The following ITPK1 variants were observed in gnomAD, a reference collection of about 807,000 sequenced individuals.
ITPK1 encodes the protein inositol-tetrakisphosphate 1-kinase.
A neutral mutation model predicts 45.3 loss-of-function variants in ITPK1; 21 were observed. That is an observed-to-expected ratio of 0.46 (90% CI 0.33 to 0.67). The LOEUF (loss-of-function observed/expected upper bound fraction) is 0.67. ITPK1 is among the 30% of genes least tolerant of loss of function. The pLI, the probability that ITPK1 is intolerant of heterozygous loss-of-function variation, is 0.02. For missense variants in ITPK1, 474 were observed against 573.5 expected (o/e 0.83, Z 1.77); for synonymous variants, 258 against 253.6 (o/e 1.02, Z -0.16).
chr14:93,052,656 C>T (rs904331934), intron 3 of ITPK1, among the ~76,000 whole-genome samples: 1 of 152,168 alleles, frequency 6.6e-6, no homozygotes, highest in African/African-American at 2.4e-5. Flanking sequence ...CCAAGCCTCA[C>T]CGGCCTTCTG....
chr14:93,086,316 A>T (rs1303452455), intron 2 of ITPK1, among the ~76,000 whole-genome samples: 4 of 152,136 alleles, frequency 2.6e-5, no homozygotes, highest in Non-Finnish European at 5.9e-5. Flanking sequence ...TCCAGAGGAG[A>T]CCGAAAGACT....
intron 3 of ITPK1, among the ~76,000 whole-genome samples, chr14:93,049,427 T>C (rs1469785560): frequency 1.3e-5 from 2 of 152,072 alleles, no homozygotes; most frequent in East Asian, 3.9e-4. Flanking sequence ...GACCAGCAAG[T>C]GCAGAGGCAG....
chr14:92,980,890 T>C (rs1747820506), intron 5 of ITPK1, among the ~76,000 whole-genome samples: 1 of 152,230 alleles, frequency 6.6e-6, no homozygotes, highest in Admixed American at 6.5e-5. Flanking sequence ...GTATTTTTAG[T>C]AGAAACAAGG....
intron 7 of ITPK1, among the ~76,000 whole-genome samples, chr14:92,961,023 C>T (rs185875778): frequency 1.3e-5 from 2 of 152,380 alleles, no homozygotes; most frequent in Admixed American, 6.5e-5. Context: ...GATACTTCCC[C>T]GGAAGTGCAG....
intron 5 of ITPK1, among the ~76,000 whole-genome samples, chr14:92,971,269 G>C (rs3783919): frequency 6.6e-6 from 1 of 152,168 alleles, no homozygotes; most frequent in Middle Eastern, 3.4e-3. Context: ...TATATCAGCC[G>C]TATGACCCTG....
chr14:93,099,043 C>G (rs1892202634), intron 2 of ITPK1, among the ~76,000 whole-genome samples: 1 of 152,206 alleles, frequency 6.6e-6, no homozygotes, highest in African/African-American at 2.4e-5. Flanking sequence ...AACTGGGGCC[C>G]TGATATATGG....
chr14:93,090,443 C>T (rs528077086), intron 2 of ITPK1, among the ~76,000 whole-genome samples: 188 of 152,320 alleles, frequency 1.2e-3, no homozygotes, highest in African/African-American at 4.4e-3. Context: ...TTCTCCTGAC[C>T]TGAATGCCTC....
At chr14:93,040,655 A>G (rs1188979437) in intron 3 of ITPK1, among the ~76,000 whole-genome samples, 1 of 152,076 alleles carries the variant, frequency 6.6e-6, no homozygotes, top group African/African-American at 2.4e-5. Flanking sequence ...GCCTTCTCTG[A>G]AGGGCCCATT....
chr14:93,101,656 C>T (rs8005735), intron 2 of ITPK1, among the ~76,000 whole-genome samples: 6,292 of 152,274 alleles, frequency 0.041, 442 homozygotes, highest in African/African-American at 0.14. Flanking sequence ...CGAGACCAGC[C>T]TGGCCAATGT....
chr14:93,050,755 T>A (rs1889969756), intron 3 of ITPK1, among the ~76,000 whole-genome samples: 1 of 151,818 alleles, frequency 6.6e-6, no homozygotes, highest in Non-Finnish European at 1.5e-5. Context: ...TCACGGGACC[T>A]CAGTGACCCC....
chr14:92,986,244 G>A (rs989246010), intron 5 of ITPK1, among the ~76,000 whole-genome samples: 5 of 152,230 alleles, frequency 3.3e-5, no homozygotes, highest in African/African-American at 1.2e-4. Flanking sequence ...ACACTAAAGT[G>A]TAAATGGCTG....
Position 93,115,325 on chromosome 14 carries a change from G to T in ITPK1, c.-142-20C>A, listed in dbSNP as rs1448479617. ...GCAGTCCTGCCGCGCGGAGCGGAGC[G>T]GGGCGGGGCGCGGCGGGCGGCCGGG... On this transcript the variant is annotated intron_variant, in intron 1 of 10. Transcript: ENST00000267615. 6 of 301,354 alleles carry T rather than the reference G, an allele frequency of 2.0e-5. No individual in the cohort carries two copies. Among genetic ancestry groups the T allele is most frequent in the Non-Finnish European group, 3.6e-5 (6 of 166,362 alleles). 18.7% of individuals were successfully genotyped at this position (301,354 alleles called of 1,614,324 possible). A position where few individuals can be genotyped will look rare whatever the true frequency, so the allele number is the denominator to read the frequency against.
At chr14:93,065,640 CCTT>C (rs1173517479) in intron 3 of ITPK1, among the ~76,000 whole-genome samples, 3 of 152,220 alleles carry the variant, frequency 2.0e-5, no homozygotes, top group African/African-American at 7.2e-5. Context: ...CCCATTCTCC[CCTT>C]CTTCTTTAGC....
chr14:92,980,521 C>A (rs1223892655), intron 5 of ITPK1, among the ~76,000 whole-genome samples: 1 of 152,138 alleles, frequency 6.6e-6, no homozygotes, highest in Non-Finnish European at 1.5e-5. Context: ...ACCTGCCTGG[C>A]CTTTGTCTGT....
chr14:93,080,089 A>G (rs1891378777), intron 2 of ITPK1, among the ~76,000 whole-genome samples: 1 of 152,250 alleles, frequency 6.6e-6, no homozygotes, highest in South Asian at 2.1e-4. Context: ...GAAGGCCTCC[A>G]TGCACCCACG....
At chr14:93,109,457 G>A (rs1284455161) in intron 2 of ITPK1, among the ~76,000 whole-genome samples, 2 of 146,574 alleles carry the variant, frequency 1.4e-5, no homozygotes, top group Non-Finnish European at 3.0e-5. Context: ...TTTAATATGT[G>A]CATGTCTTAA....
At chr14:92,944,441 C>T (rs1264926145) in intron 10 of ITPK1, among the ~76,000 whole-genome samples, 1 of 152,114 alleles carries the variant, frequency 6.6e-6, no homozygotes, top group Non-Finnish European at 1.5e-5. Context: ...CCTCCCTGTC[C>T]ACACTGGCTC....
intron 7 of ITPK1, among the ~76,000 whole-genome samples, chr14:92,959,187 G>A (rs927587638): frequency 3.3e-5 from 5 of 152,180 alleles, no homozygotes; most frequent in Non-Finnish European, 5.9e-5. Context: ...CGGCCAGCAC[G>A]GGCTCTGCAC....
At chr14:93,027,241 C>A (rs1303306932) in intron 3 of ITPK1, among the ~76,000 whole-genome samples, 1 of 152,128 alleles carries the variant, frequency 6.6e-6, no homozygotes, top group Non-Finnish European at 1.5e-5. Flanking sequence ...AATTTAAAAC[C>A]AGTGAAATGT....
Sources: gnomAD v4.1 joint callset for allele counts (sites outside exome capture counted in the v4.1 genomes callset) on GRCh38, gnomAD v4.1.1 for gene constraint, MANE v1.5 for transcripts, NCBI Gene and HGNC (gene_info 2026-07-23, HGNC 2026-07-21) for gene names.